The following CABIN1 variants were observed in gnomAD, a reference collection of about 807,000 sequenced individuals.
CABIN1 encodes calcineurin binding protein 1, also known as calcineurin-binding protein cabin-1.
CABIN1 carries 133 observed loss-of-function variants against 227.7 expected under a neutral mutation model. The observed-to-expected ratio is 0.58, with a 90% CI of 0.51 to 0.67. The LOEUF is 0.67. Ranked by LOEUF, CABIN1 falls within the 30% of genes least tolerant of loss-of-function variation. CABIN1 has a pLI of 0.00. For synonymous variants in CABIN1, 1,086 were observed against 1,155.1 expected, an observed-to-expected ratio of 0.94 and a Z score of 1.21; for missense variants, 2,408 against 2,852.5, an observed-to-expected ratio of 0.84 and a Z score of 3.55.
intron 1 of CABIN1, among the ~76,000 whole-genome samples, chr22:24,015,853 G>C (rs1200103777): frequency 6.6e-6 from 1 of 152,060 alleles, no homozygotes; most frequent in Non-Finnish European, 1.5e-5. Flanking sequence ...AGCTACCCGG[G>C]AAGCTGAGGC....
intron 16 of CABIN1, among the ~76,000 whole-genome samples, chr22:24,070,175 G>T (rs866369089): frequency 3.3e-5 from 5 of 152,208 alleles, no homozygotes; most frequent in African/African-American, 1.2e-4. Flanking sequence ...CATGTGCCAG[G>T]CACTGTGCTG....
chr22:24,110,430 T>C lies in CABIN1; in HGVS notation c.4118-3136T>C, dbSNP rs1488806013. Among the ~76,000 whole-genome samples, 6 of 152,240 alleles carry C rather than the reference T, an allele frequency of 3.9e-5. No individual in the cohort carries two copies. The South Asian group carries it at 6.2e-4, about 16-fold the overall frequency. ...TATTTTTGCTTTAGAAAGTAAACAA[T>C]AATGTTTTAGAAAAATCGAACATAA... On this transcript the variant is annotated intron_variant, in intron 26 of 36. Transcript: ENST00000263119.
Position 24,011,316 on chromosome 22 carries a change from G to C in CABIN1, c.-126G>C, listed in dbSNP as rs1230695385. ...AGCACGCCTTGTTGTCAGGCGCGCA[G>C]CCGGACGGCGCGGTGGTCGGGACAG... On this transcript the variant is annotated 5_prime_UTR_variant, in exon 1 of 37. Coordinates refer to ENST00000263119, the MANE Select transcript of CABIN1 (RefSeq NM_012295.4). 6.6e-6 allele frequency: 1 copy of C among 152,320 alleles called. No individual in the cohort carries two copies. The highest frequency in any genetic ancestry group is 1.5e-5 in the Non-Finnish European group (1 of 68,124). The allele number at this position is 152,320 out of a possible 1,614,324, so 9.4% of individuals were successfully genotyped here.
rs1368904552 is a variant in CABIN1, at chr22:24,112,716, AT to A, written c.4118-849del. On this transcript the variant is annotated intron_variant, in intron 26 of 36. Coordinates refer to ENST00000263119, the MANE Select transcript of CABIN1 (RefSeq NM_012295.4). ...GTCCTTCAGTGGTAGGAGACCTCTA[AT>A]GTTTGGACCCTAGATGATTTCCTGC... 1.4e-4 allele frequency among the ~76,000 whole-genome samples: 22 copies of A among 152,166 alleles called. No homozygotes were observed. The East Asian group carries it at 4.3e-3, about 29-fold the overall frequency.
chr22:24,173,043 G>A (rs2046912165), intron 34 of CABIN1: 1 of 152,282 alleles, frequency 6.6e-6, no homozygotes, highest in African/African-American at 2.4e-5. Flanking sequence ...GGGACATCCA[G>A]CGATGGACCA....
At chr22:24,147,801 G>T (rs972728876) in intron 29 of CABIN1, among the ~76,000 whole-genome samples, 2 of 152,136 alleles carry the variant, frequency 1.3e-5, no homozygotes. Context: ...AGAGCTTCCT[G>T]TTCTACATGC....
At position 24,098,068 on chromosome 22, in the gene CABIN1, G is replaced by A. The variant is rs2041997500; in HGVS notation, c.3993G>A (p.Pro1331=). The A allele has an allele frequency of 1.2e-6, 2 of 1,613,996 alleles. No homozygotes were observed. The highest frequency in any genetic ancestry group is 1.7e-6 in the Non-Finnish European group (2 of 1,180,018). ...EDSHSSAGTL[P]GPGASLPSSS... ...CCCACTCTTCAGCTGGGACACTGCC[G>A]GGCCCCGGAGCCTCCCTCCCCTCCT... The change falls in exon 26 of 37, where the codon CCG becomes CCA. Residue 1331 remains proline (P), a synonymous_variant. Transcript: ENST00000263119.
chr22:24,095,873 G>T, intron 24 of CABIN1, 58 bp from the exon 25 acceptor site: 1 of 1,605,528 alleles, frequency 6.2e-7, no homozygotes, highest in Non-Finnish European at 8.5e-7. Flanking sequence ...TGACTGGCCT[G>T]TGGAACAAAT....
chr22:24,121,840 C>A (rs1364678236), intron 28 of CABIN1, among the ~76,000 whole-genome samples: 1 of 152,272 alleles, frequency 6.6e-6, no homozygotes, highest in East Asian at 1.9e-4. Context: ...ATGCAGCCCC[C>A]TCCAGCTGTG....
chr22:24,032,643 T>C (rs1265439583), intron 1 of CABIN1, among the ~76,000 whole-genome samples: 1 of 152,238 alleles, frequency 6.6e-6, no homozygotes, highest in African/African-American at 2.4e-5. Context: ...TCCTCATCAA[T>C]ACTTGTTATT....
chr22:24,045,213 T>C (rs1009314399), intron 6 of CABIN1, among the ~76,000 whole-genome samples: 78 of 152,336 alleles, frequency 5.1e-4, no homozygotes, highest in African/African-American at 2.6e-4. Context: ...CGTGAGCCAC[T>C]GCGCCCAGCC....
chr22:24,132,062 C>CAAAAAAAAAA (rs34365542), intron 28 of CABIN1, among the ~76,000 whole-genome samples: 1 of 114,800 alleles, frequency 8.7e-6, no homozygotes. Context: ...ACTCTGTCTC[C>CAAAAAAAAAA]AAAAAAAAAA....
At chr22:24,016,330 T>A (rs1046920903) in intron 1 of CABIN1, among the ~76,000 whole-genome samples, 2 of 152,264 alleles carry the variant, frequency 1.3e-5, no homozygotes, top group African/African-American at 2.4e-5. Flanking sequence ...TCATTATTTT[T>A]ATGGCTGAAT....
At chr22:24,053,691 C>T (rs2147375757) in intron 8 of CABIN1, among the ~76,000 whole-genome samples, 1 of 152,232 alleles carries the variant, frequency 6.6e-6, no homozygotes, top group African/African-American at 2.4e-5. Flanking sequence ...AAGCACTGTT[C>T]TTTTATTCCT....
At chr22:24,119,179 C>A (rs1007278543) in intron 27 of CABIN1, among the ~76,000 whole-genome samples, 188 bp from the exon 28 acceptor site, 1 of 152,182 alleles carries the variant, frequency 6.6e-6, no homozygotes, top group African/African-American at 2.4e-5. Flanking sequence ...GAGCGGGAGA[C>A]CTCGGTTGGG....
At chr22:24,046,686 T>C (rs1043291443) in intron 6 of CABIN1, among the ~76,000 whole-genome samples, 2 of 152,172 alleles carry the variant, frequency 1.3e-5, no homozygotes, top group East Asian at 3.9e-4. Context: ...AGAGATTTAT[T>C]GTAAGGAATT....
chr22:24,073,858 T>A (rs2040257161), intron 18 of CABIN1, among the ~76,000 whole-genome samples: 1 of 152,222 alleles, frequency 6.6e-6, no homozygotes, highest in South Asian at 2.1e-4. Flanking sequence ...TTTGTAAAGC[T>A]GTTGCTCCAT....
At position 24,059,880 on chromosome 22, in the gene CABIN1, A is replaced by C. The variant is rs1215855869; in HGVS notation, c.1400-44A>C. 4.6e-6 allele frequency: 7 copies of C among 1,525,676 alleles called. No homozygotes were observed. The East Asian group carries it at 1.6e-4, about 34-fold the overall frequency. 94.5% of individuals were successfully genotyped at this position (1,525,676 alleles called of 1,614,324 possible). A position where few individuals can be genotyped will look rare whatever the true frequency, so the allele number is the denominator to read the frequency against. ...AGTAAATAGGAGACCCTGGCATGGA[A>C]GGTACTCTTTATTCAAGTCAGGTTG... On this transcript the variant is annotated intron_variant, in intron 11 of 36. Coordinates refer to ENST00000263119, the MANE Select transcript of CABIN1 (RefSeq NM_012295.4).
chr22:24,096,082 A>G lies in CABIN1; in HGVS notation c.3938A>G (p.Lys1313Arg), dbSNP rs745725059. Reference protein sequence around the residue: ...EEKNTPKASEKEKACLVDEDS... With the variant: ...EEKNTPKASEREKACLVDEDS... ...AAGAACACACCCAAAGCTTCAGAAA[A>G]GTGAGTAGCACCCTTCAGGCGACCC... The change falls in exon 25 of 37, where the codon AAG (lysine) becomes AGG (arginine). Residue 1313 changes from lysine to arginine, a missense_variant and splice_region_variant. Around this residue, in one of 3 missense-constraint regions of CABIN1, gnomAD observed 649 missense variants for 910.3 expected, o/e 0.71. Transcript: ENST00000263119. The G allele has an allele frequency of 4.3e-6, 7 of 1,613,960 alleles. No homozygotes were observed. The highest frequency in any genetic ancestry group is 8.5e-7 in the Non-Finnish European group (1 of 1,179,976).
Sources: allele counts gnomAD v4.1 joint callset (sites outside exome capture counted in the v4.1 genomes callset), GRCh38; gene constraint gnomAD v4.1.1; regional missense constraint gnomAD v4.1.1; transcripts MANE v1.5; gene names NCBI Gene and HGNC (gene_info 2026-07-23, HGNC 2026-07-21).